Variants in PAPPA2 observed in about 807,000 individuals in gnomAD.
The protein encoded by PAPPA2 is pappalysin-2.
PAPPA2 carries 86 observed loss-of-function variants against 176.4 expected under a neutral mutation model. That is an observed-to-expected ratio of 0.49 (90% CI 0.41 to 0.58). The LOEUF is 0.58. Ranked by LOEUF, PAPPA2 falls within the 20% of genes least tolerant of loss-of-function variation. The probability of loss-of-function intolerance (pLI) is 0.00; values close to 1 mark genes in which losing one functional copy is unlikely to be tolerated. For missense variants in PAPPA2, 2,073 were observed against 2,256.9 expected (o/e 0.92, Z 1.65); for synonymous variants, 809 against 852.2 (o/e 0.95, Z 0.88).
At chr1:176,742,054 G>A (rs1025749351) in intron 14 of PAPPA2, among the ~76,000 whole-genome samples, 2 of 152,050 alleles carry the variant, frequency 1.3e-5, no homozygotes, top group South Asian at 2.1e-4. Flanking sequence ...TTTGGCAAAC[G>A]GATTCCTCCC....
At chr1:176,497,377 C>A (rs1354566352) in intron 1 of PAPPA2, among the ~76,000 whole-genome samples, 1 of 152,152 alleles carries the variant, frequency 6.6e-6, no homozygotes, top group African/African-American at 2.4e-5. Context: ...CCTCACAAGG[C>A]ATCTACTACA....
chr1:176,656,783 T>TCA (rs34966942), intron 3 of PAPPA2, among the ~76,000 whole-genome samples: 27,512 of 149,904 alleles, frequency 0.18, 2,619 homozygotes, highest in Middle Eastern at 0.27. Flanking sequence ...TCTCTCTCTT[T>TCA]CACACACACA....
At chr1:176,537,944 T>C (rs969029384) in intron 1 of PAPPA2, among the ~76,000 whole-genome samples, 1 of 152,108 alleles carries the variant, frequency 6.6e-6, no homozygotes, top group Non-Finnish European at 1.5e-5. Context: ...ACTGGAGTTA[T>C]GTGTCCTGAA....
At chr1:176,488,214 T>C (rs1351961928) in intron 1 of PAPPA2, among the ~76,000 whole-genome samples, 1 of 152,084 alleles carries the variant, frequency 6.6e-6, no homozygotes, top group Non-Finnish European at 1.5e-5. Context: ...ATAAGAGAAT[T>C]GTAGAGCTGG....
rs558023266 is a variant in PAPPA2, at chr1:176,524,859, T to TA, written c.-916-30541dup. On this transcript the variant is annotated intron_variant, in intron 1 of 22. Coordinates refer to ENST00000367662, the MANE Select transcript of PAPPA2 (RefSeq NM_020318.3). The stretch of plus-strand genomic sequence containing the variant: ...TAACACGATGAAACCCCGTCTCTAC[T>TA]AAAAAAATACAAAAAAAACAAAATA... 7.0e-4 allele frequency among the ~76,000 whole-genome samples: 106 copies of TA among 151,804 alleles called. No homozygotes were observed. The South Asian group carries it at 0.02, about 28-fold the overall frequency.
rs758702375 is a variant in PAPPA2, at chr1:176,765,768, G to A, written c.4254G>A (p.Lys1418=). The A allele has an allele frequency of 1.9e-6, 3 of 1,614,140 alleles. No homozygotes were observed. Among genetic ancestry groups the A allele is most frequent in the East Asian group, 2.2e-5 (1 of 44,846 alleles). Reference sequence around the variant, plus strand: ...CCTCTATAGGCCCAGGTCTCATGAAGTGTGCTATCACTTGTCAAAGGGGAT... The same window carrying A: ...CCTCTATAGGCCCAGGTCTCATGAAATGTGCTATCACTTGTCAAAGGGGAT... ...NCTSIGPGLM[K]CAITCQRGFA... The change falls in exon 15 of 23, where the codon AAG becomes AAA. Residue 1418 remains lysine (K), a synonymous_variant. Transcript: ENST00000367662.
intron 2 of PAPPA2, among the ~76,000 whole-genome samples, chr1:176,563,419 G>A (rs1651783303): frequency 6.6e-6 from 1 of 152,116 alleles, no homozygotes; most frequent in Admixed American, 6.5e-5. Context: ...TCTAGAGCAG[G>A]GGTTGGCACA....
chr1:176,630,218 G>T (rs1292963575), intron 3 of PAPPA2, among the ~76,000 whole-genome samples: 1 of 152,188 alleles, frequency 6.6e-6, no homozygotes, highest in Non-Finnish European at 1.5e-5. Flanking sequence ...GGCTACATCA[G>T]ATAGGAAAGT....
chr1:176,565,600 T>C (rs10913203), intron 2 of PAPPA2, among the ~76,000 whole-genome samples: 21,559 of 151,908 alleles, frequency 0.14, 1,584 homozygotes, highest in Middle Eastern at 0.2. Context: ...GAGGCTGAGG[T>C]GGGGGGATCA....
At chr1:176,812,487 CTG>C (rs967116280) in intron 21 of PAPPA2, among the ~76,000 whole-genome samples, 1 of 152,270 alleles carries the variant, frequency 6.6e-6, no homozygotes, top group Non-Finnish European at 1.5e-5. Flanking sequence ...TGCTTCAAAA[CTG>C]TGTTTTAAAT....
At position 176,673,040 on chromosome 1, in the gene PAPPA2, A is replaced by T. The variant is rs1294751285; in HGVS notation, c.2137+1925A>T. Reference sequence around the variant, plus strand: ...TATCTACAATTACTACGAGTGAAAAACTAGGGAAAGAGAGGTTTCTGGGTG... The same window carrying T: ...TATCTACAATTACTACGAGTGAAAATCTAGGGAAAGAGAGGTTTCTGGGTG... On this transcript the variant is annotated intron_variant, in intron 4 of 22. Transcript: ENST00000367662. Among the ~76,000 whole-genome samples the T allele has an allele frequency of 2.0e-5, 3 of 152,118 alleles. No individual in the cohort carries two copies. In the East Asian group the frequency reaches 5.8e-4, roughly 29 times the overall value.
intron 20 of PAPPA2, among the ~76,000 whole-genome samples, chr1:176,796,014 A>C (rs78183289): frequency 0.048 from 7,368 of 152,270 alleles, 217 homozygotes; most frequent in South Asian, 0.15. Context: ...ACACTGGCAA[A>C]AGCCACAGTT....
chr1:176,505,676 A>C (rs1000977530), intron 1 of PAPPA2, among the ~76,000 whole-genome samples: 1 of 152,072 alleles, frequency 6.6e-6, no homozygotes, highest in East Asian at 1.9e-4. Flanking sequence ...CAACAACAAC[A>C]AAAAGCCTGA....
At chr1:176,600,470 A>G (rs1247516898) in intron 3 of PAPPA2, among the ~76,000 whole-genome samples, 1 of 151,638 alleles carries the variant, frequency 6.6e-6, no homozygotes, top group Non-Finnish European at 1.5e-5. Flanking sequence ...AGGTCAGGAG[A>G]TCGAGACCAT....
At chr1:176,661,627 C>T (rs940209258) in intron 3 of PAPPA2, among the ~76,000 whole-genome samples, 3 of 151,248 alleles carry the variant, frequency 2.0e-5, no homozygotes, top group Admixed American at 6.6e-5. Flanking sequence ...ACACTATTGC[C>T]CAGACATTGC....
intron 3 of PAPPA2, among the ~76,000 whole-genome samples, chr1:176,648,937 C>T (rs1657557890): frequency 6.6e-6 from 1 of 151,356 alleles, no homozygotes; most frequent in Non-Finnish European, 1.5e-5. Context: ...TTGGGTAAGG[C>T]TGGCCTCATA....
chr1:176,575,772 G>A (rs1042016768), intron 2 of PAPPA2, among the ~76,000 whole-genome samples: 1 of 152,180 alleles, frequency 6.6e-6, no homozygotes, highest in African/African-American at 2.4e-5. Flanking sequence ...TTCTAGAGAT[G>A]AGCAGACTCG....
At chr1:176,648,385 GC>G (rs1358270947) in intron 3 of PAPPA2, among the ~76,000 whole-genome samples, 3 of 151,398 alleles carry the variant, frequency 2.0e-5, no homozygotes, top group Admixed American at 6.6e-5. Flanking sequence ...TGTGAGCAAG[GC>G]TAATTTGAGT....
At chr1:176,805,032 T>G (rs1157184503) in intron 21 of PAPPA2, among the ~76,000 whole-genome samples, 2 of 151,976 alleles carry the variant, frequency 1.3e-5, no homozygotes, top group Non-Finnish European at 2.9e-5. Context: ...CACTGTGATA[T>G]TATCAGATAA....
Sources: allele counts gnomAD v4.1 joint callset (sites outside exome capture counted in the v4.1 genomes callset), GRCh38; gene constraint gnomAD v4.1.1; transcripts MANE v1.5; gene names NCBI Gene and HGNC (gene_info 2026-07-23, HGNC 2026-07-21).